The following RAB37 variants were observed in gnomAD, a reference collection of about 807,000 sequenced individuals.
The protein encoded by RAB37 is RAB37, member RAS oncogene family, also known as ras-related protein Rab-37.
Under a neutral mutation model 33.1 loss-of-function variants are expected in RAB37, and 29 were observed. The observed-to-expected ratio is 0.88, with a 90% CI of 0.65 to 1.20. The LOEUF is 1.20. Ranked by LOEUF, RAB37 falls within the 50% of genes most tolerant of loss-of-function variation. The pLI is 0.00. For synonymous variants in RAB37, 128 were observed against 119.5 expected, an observed-to-expected ratio of 1.07 and a Z score of -0.47; for missense variants, 299 against 301.1, an observed-to-expected ratio of 0.99 and a Z score of 0.05.
chr17:74,728,631 A>G (rs1004326050), intron 1 of RAB37, among the ~76,000 whole-genome samples: 1 of 145,716 alleles, frequency 6.9e-6, no homozygotes. Context: ...CTCTGTATGC[A>G]TCTGTTTCTG....
At chr17:74,736,435 CG>C (rs2034475742), upstream of RAB37, 1 of 671,570 alleles carries the variant, frequency 1.5e-6, no homozygotes, top group Admixed American at 6.3e-5. Flanking sequence ...CAGGAGCTGC[CG>C]GGTGCCTGGG....
chr17:74,712,697 A>G, intron 1 of RAB37: 1 of 894,830 alleles, frequency 1.1e-6, no homozygotes, highest in South Asian at 1.5e-5. Context: ...AATGGTGGGT[A>G]TGTGGATGAA....
intron 1 of RAB37, among the ~76,000 whole-genome samples, chr17:74,682,271 T>G (rs950964236): frequency 6.6e-6 from 1 of 152,140 alleles, no homozygotes; most frequent in Non-Finnish European, 1.5e-5. Context: ...GGAGTGCAGC[T>G]GACATCGAGC....
At position 74,729,349 on chromosome 17, in the gene RAB37, G is replaced by T; in HGVS notation, c.166G>T (p.Val56Leu). The T allele has an allele frequency of 6.2e-7, 1 of 1,613,848 alleles. No homozygotes were observed. Among genetic ancestry groups the T allele is most frequent in the Non-Finnish European group, 8.5e-7 (1 of 1,179,788 alleles). The stretch of plus-strand genomic sequence containing the variant: ...CATCCCCGGCTCCTTCTCGGCCACT[G>T]TGGGCATCGGATTCACGGTAAGCAC... The change falls in exon 2 of 8, where the codon GTG becomes TTG. Residue 56 changes from valine to leucine, a missense_variant. Physicochemically the swap from Val to Leu is conservative, Grantham distance 32. Coordinates refer to the RAB37 transcript ENST00000340415. This position sits in a 1 kb window ranked among gnomAD's most constrained non-coding sequence, Gnocchi z 4.2.
At chr17:74,704,171 G>A (rs2033311191) in intron 1 of RAB37, among the ~76,000 whole-genome samples, 1 of 152,208 alleles carries the variant, frequency 6.6e-6, no homozygotes, top group Admixed American at 6.5e-5. Context: ...TGGGTACCAT[G>A]GGAAGGCATC....
At chr17:74,695,021 G>C in intron 1 of RAB37, 2 of 1,498,620 alleles carry the variant, frequency 1.3e-6, no homozygotes, top group Non-Finnish European at 1.8e-6. Context: ...CTGATGAGGG[G>C]AGCAGGGGGC....
At position 74,730,804 on chromosome 17, in the gene RAB37, C is replaced by T. The variant is rs1422458667; in HGVS notation, c.183+1438C>T. Among the ~76,000 whole-genome samples the T allele has an allele frequency of 6.6e-6, 1 of 152,210 alleles. No individual in the cohort carries two copies. Among genetic ancestry groups the T allele is most frequent in the East Asian group, 1.9e-4 (1 of 5,202 alleles). ...AGAGTGGGGTGGATGTGGCTGTGGACATGCAAAGTCTGACTCACGTTCCAC... is the reference window on the plus strand; with the variant it reads ...AGAGTGGGGTGGATGTGGCTGTGGATATGCAAAGTCTGACTCACGTTCCAC... On this transcript the variant is annotated intron_variant, in intron 2 of 7. Coordinates refer to the RAB37 transcript ENST00000340415. This position sits in a 1 kb window ranked among gnomAD's most constrained non-coding sequence, Gnocchi z 4.4.
At chr17:74,693,973 C>T (rs978111235) in intron 1 of RAB37, among the ~76,000 whole-genome samples, 2 of 152,188 alleles carry the variant, frequency 1.3e-5, no homozygotes, top group Middle Eastern at 3.4e-3. Flanking sequence ...AGCATGATCC[C>T]TGTGTGAGCA....
chr17:74,695,849 G>A, intron 1 of RAB37: 1 of 1,613,784 alleles, frequency 6.2e-7, no homozygotes, highest in Non-Finnish European at 8.5e-7. Context: ...GCCCTCCAGG[G>A]GCTGCAGTAC....
In RAB37 at chr17:74,671,450, C is replaced by T. The variant is rs983528072; in HGVS notation, c.-137C>T. ...GCCGCGGCCGCTGCGGGGAACTGTCCAGTGCTGAAAACGGATGCGGCCCGG... is the reference window on the plus strand; with the variant it reads ...GCCGCGGCCGCTGCGGGGAACTGTCTAGTGCTGAAAACGGATGCGGCCCGG... On this transcript the variant is annotated 5_prime_UTR_variant, in exon 1 of 8. Transcript: ENST00000340415. This position sits in a 1 kb window ranked among gnomAD's most constrained non-coding sequence, Gnocchi z 5.0. The T allele has an allele frequency of 1.5e-4, 112 of 755,194 alleles. No homozygotes were observed. Among genetic ancestry groups the T allele is most frequent in the Middle Eastern group, 7.2e-4 (2 of 2,766 alleles). The allele number at this position is 755,194 out of a possible 1,614,324, so 46.8% of individuals were successfully genotyped here. A position where few individuals can be genotyped will look rare whatever the true frequency, so the allele number is the denominator to read the frequency against.
Position 74,742,070 on chromosome 17 carries a change from G to A in RAB37, c.205-184G>A, listed in dbSNP as rs1380076358. Among the ~76,000 whole-genome samples, 2 of 152,150 alleles carry A rather than the reference G, an allele frequency of 1.3e-5. No homozygotes were observed. Among genetic ancestry groups the A allele is most frequent in the Admixed American group, 6.5e-5 (1 of 15,268 alleles). On this transcript the variant is annotated intron_variant, in intron 2 of 8. Coordinates refer to ENST00000392613, the MANE Select transcript of RAB37 (RefSeq NM_001006638.3). This position sits in a 1 kb window ranked among gnomAD's most constrained non-coding sequence, Gnocchi z 4.0. ...GGCAGTTACAGTCCTCAGAAGGGAC[G>A]ACTCCACAGTGGAGGTGTCTGGGTA... is the stretch of plus-strand genomic sequence containing the variant.
At position 74,676,387 on chromosome 17, in the gene RAB37, G is replaced by A. The variant is rs2031834373; in HGVS notation, c.72+4729G>A. Among the ~76,000 whole-genome samples, 1 of 152,108 alleles carries A rather than the reference G, an allele frequency of 6.6e-6. No individual in the cohort carries two copies. Among genetic ancestry groups the A allele is most frequent in the Non-Finnish European group, 1.5e-5 (1 of 68,020 alleles). On this transcript the variant is annotated intron_variant, in intron 1 of 7. Coordinates refer to the RAB37 transcript ENST00000340415. The surrounding 1 kb of genome is among the most constrained non-coding windows in gnomAD (Gnocchi z 4.1). Reference sequence around the variant, plus strand: ...CTGCTCATCCATTCATCCAGGGCTTGGTTCTTCTTGGGTGAAAAGGGATTA... The same window carrying A: ...CTGCTCATCCATTCATCCAGGGCTTAGTTCTTCTTGGGTGAAAAGGGATTA...
intron 1 of RAB37, among the ~76,000 whole-genome samples, chr17:74,706,282 AATAT>A (rs35583593): frequency 6.9e-6 from 1 of 145,120 alleles, no homozygotes. Context: ...GGAAAAAAAA[AATAT>A]ATATATATAT....
intron 1 of RAB37, among the ~76,000 whole-genome samples, chr17:74,720,019 C>G (rs2034218277): frequency 2.0e-5 from 3 of 152,196 alleles, no homozygotes; most frequent in African/African-American, 7.2e-5. Context: ...ATATACATCA[C>G]TCTGCCCCCT....
At chr17:74,734,955 AG>A (rs368834520), upstream of RAB37, among the ~76,000 whole-genome samples, 11,218 of 114,104 alleles carry the variant, frequency 0.098, 1,024 homozygotes, top group African/African-American at 0.18. Flanking sequence ...AAAGAGAGAA[AG>A]AAGAAAGAAA....
chr17:74,714,346 AC>A (rs2034125416), intron 1 of RAB37, among the ~76,000 whole-genome samples: 1 of 151,542 alleles, frequency 6.6e-6, no homozygotes, highest in South Asian at 2.1e-4. Flanking sequence ...TGATTGAGCC[AC>A]TGTTCACTGT....
intron 1 of RAB37, among the ~76,000 whole-genome samples, chr17:74,692,383 C>T (rs532675396): frequency 6.8e-4 from 103 of 152,202 alleles, no homozygotes; most frequent in Non-Finnish European, 1.3e-3. Flanking sequence ...CGGAAAAGCC[C>T]TTGAAATTCT....
At chr17:74,720,703 C>A (rs1450577157) in intron 1 of RAB37, among the ~76,000 whole-genome samples, 1 of 152,202 alleles carries the variant, frequency 6.6e-6, no homozygotes, top group African/African-American at 2.4e-5. Flanking sequence ...CCTTTTTACA[C>A]CCTGCCCTCT....
chr17:74,708,926 A>G (rs1292108879), intron 1 of RAB37, among the ~76,000 whole-genome samples: 1 of 150,436 alleles, frequency 6.6e-6, no homozygotes, highest in Non-Finnish European at 1.5e-5. Flanking sequence ...AAAAAAAAAA[A>G]GGAAAATCAA....
Sources: allele counts gnomAD v4.1 joint callset (sites outside exome capture counted in the v4.1 genomes callset), GRCh38; gene constraint gnomAD v4.1.1; non-coding constraint Gnocchi (gnomAD v3.1); transcripts MANE v1.5; gene names NCBI Gene and HGNC (gene_info 2026-07-23, HGNC 2026-07-21).